The following FYB2 variants were observed in gnomAD, a reference collection of about 807,000 sequenced individuals.
The protein encoded by FYB2 is FYN-binding protein 2.
A neutral mutation model predicts 94.1 loss-of-function variants in FYB2; 103 were observed. The observed-to-expected ratio is 1.09, with a 90% CI of 0.93 to 1.29. The LOEUF is 1.29. FYB2 is among the 50% of genes most tolerant of loss of function. The pLI is 0.00. For synonymous variants in FYB2, 293 were observed against 287.9 expected (o/e 1.02, Z -0.18); for missense variants, 896 against 841.5 (o/e 1.06, Z -0.80).
chr1:56,746,080 A>AT (rs1376831790), intron 9 of FYB2, among the ~76,000 whole-genome samples: 1 of 138,504 alleles, frequency 7.2e-6, no homozygotes, highest in African/African-American at 3.1e-5. Context: ...AGCTTGCTTT[A>AT]TTTTTTCATA....
At chr1:56,750,575 G>T (rs1645172631) in intron 9 of FYB2, among the ~76,000 whole-genome samples, 2 of 151,854 alleles carry the variant, frequency 1.3e-5, no homozygotes, top group African/African-American at 4.8e-5. Flanking sequence ...CTAACACGCA[G>T]GTAAAATGCA....
At chr1:56,756,011 C>T in intron 6 of FYB2, 84 bp from the exon 7 acceptor site, 21 of 1,336,630 alleles carry the variant, frequency 1.6e-5, no homozygotes, top group Non-Finnish European at 2.2e-5. Flanking sequence ...TTAGAGACTA[C>T]ACCAAAAGGT....
chr1:56,791,978 C>G, intron 2 of FYB2, 78 bp downstream of exon 2: 1 of 1,505,410 alleles, frequency 6.6e-7, no homozygotes, highest in South Asian at 1.4e-5. Context: ...CATAACCACT[C>G]TGAATCAACA....
rs372756444 is a variant in FYB2 at position 56,747,446 on chromosome 1, CT to C, written c.1388-3181del. 1.3e-3 allele frequency among the ~76,000 whole-genome samples: 204 copies of C among 152,068 alleles called. 1 individual carries two copies. The highest frequency in any genetic ancestry group is 4.9e-3 in the African/African-American group (202 of 41,500). The stretch of plus-strand genomic sequence containing the variant: ...GACAGGCCCCAGTATGTGATGTTCC[CT>C]TCCCTGTGTACATGCGTTCCTCATT... On this transcript the variant is annotated intron_variant, in intron 9 of 19. Transcript: ENST00000343433.
chr1:56,733,308 G>C (rs1000747569), intron 15 of FYB2, among the ~76,000 whole-genome samples: 4 of 151,928 alleles, frequency 2.6e-5, no homozygotes, highest in African/African-American at 9.7e-5. Flanking sequence ...GCATCTATTT[G>C]ATTCTTCTCT....
chr1:56,823,592 A>G (rs746494420), upstream of FYB2: 2 of 152,190 alleles, frequency 1.3e-5, no homozygotes, highest in Non-Finnish European at 1.5e-5. Context: ...TTTTGTGCTC[A>G]TCTAAGTAAA....
At chr1:56,780,156 T>C (rs1266799085) in intron 4 of FYB2, among the ~76,000 whole-genome samples, 2 of 152,152 alleles carry the variant, frequency 1.3e-5, no homozygotes, top group Non-Finnish European at 2.9e-5. Context: ...TAAATAAACC[T>C]TTGTACAAAA....
At chr1:56,799,797 C>G (rs954345059) in intron 1 of FYB2, among the ~76,000 whole-genome samples, 1 of 152,192 alleles carries the variant, frequency 6.6e-6, no homozygotes, top group Non-Finnish European at 1.5e-5. Context: ...GTAACCCTCT[C>G]TATGTCACCG....
intron 9 of FYB2, among the ~76,000 whole-genome samples, chr1:56,748,581 T>C (rs1645123019): frequency 1.3e-5 from 2 of 151,766 alleles, no homozygotes; most frequent in African/African-American, 2.4e-5. Context: ...ACCTTCTCAC[T>C]CTTTTAACGG....
At chr1:56,753,092 G>A (rs866427275) in intron 8 of FYB2, among the ~76,000 whole-genome samples, 31 of 152,160 alleles carry the variant, frequency 2.0e-4, no homozygotes, top group Middle Eastern at 3.4e-3. Flanking sequence ...GGCTCATACA[G>A]CCAACATGCT....
chr1:56,792,938 C>T, intron 1 of FYB2, 135 bp from the exon 2 acceptor site: 1 of 892,672 alleles, frequency 1.1e-6, no homozygotes, highest in African/African-American at 1.7e-5. Context: ...TGTTAAGGGA[C>T]TCTAACTGCT....
intron 1 of FYB2, among the ~76,000 whole-genome samples, chr1:56,802,580 C>T (rs1258386196): frequency 6.6e-6 from 1 of 152,134 alleles, no homozygotes; most frequent in Admixed American, 6.5e-5. Context: ...ATTGTATTTT[C>T]AGATTGGAGC....
chr1:56,726,661 A>C, intron 15 of FYB2, 78 bp from the exon 16 acceptor site: 1 of 1,170,692 alleles, frequency 8.5e-7, no homozygotes, highest in Non-Finnish European at 1.2e-6. Flanking sequence ...TTCATGGGCA[A>C]TTATGTTTTA....
At chr1:56,724,067 T>C (rs1644539225) in intron 16 of FYB2, among the ~76,000 whole-genome samples, 1 of 151,956 alleles carries the variant, frequency 6.6e-6, no homozygotes, top group African/African-American at 2.4e-5. Flanking sequence ...ACTTTTTCTT[T>C]TTTTTAGGTT....
At chr1:56,798,170 G>A (rs1160350658) in intron 1 of FYB2, among the ~76,000 whole-genome samples, 1 of 152,200 alleles carries the variant, frequency 6.6e-6, no homozygotes, top group Admixed American at 6.5e-5. Context: ...TAACTCAGCA[G>A]AATCTTAATT....
Position 56,789,068 on chromosome 1 carries a change from A to G in FYB2, c.824T>C (p.Leu275Pro), listed in dbSNP as rs1646199343. 3.1e-6 allele frequency: 5 copies of G among 1,613,660 alleles called. No individual in the cohort carries two copies. Among genetic ancestry groups the G allele is most frequent in the Non-Finnish European group, 4.2e-6 (5 of 1,179,762 alleles). ...KTKPLPSIDS[L>P]GPPPPKPSRP... ...TGAAGGCTTTGGGGGAGGAGGACCC[A>G]GGGAGTCGATGGAGGGCAATGGCTT... Residue 275 changes from leucine to proline, a missense_variant, in exon 3 of 20, where the codon CTG becomes CCG. Transcript: ENST00000343433.
At chr1:56,767,969 C>T (rs1452811258) in intron 4 of FYB2, 31 bp from the exon 5 acceptor site, 1 of 1,464,154 alleles carries the variant, frequency 6.8e-7, no homozygotes, top group African/African-American at 1.4e-5. Flanking sequence ...TAAAATGTAA[C>T]ATTTTTAAAA....
rs150268875 is a variant in FYB2 at position 56,802,641 on chromosome 1, C to T, written c.10-9838G>A. On this transcript the variant is annotated intron_variant, in intron 1 of 19. Transcript: ENST00000343433. ...AGAAGAAAGAAAGCCATTATTCTTC[C>T]CAGGAGCCTTCAAAGGTTTAGGGAC... 4.3e-4 allele frequency among the ~76,000 whole-genome samples: 65 copies of T among 152,248 alleles called. No homozygotes were observed. In the East Asian group the frequency reaches 0.012, roughly 27 times the overall value.
At chr1:56,751,003 A>C in intron 9 of FYB2, 41 bp downstream of exon 9, 1 of 1,588,610 alleles carries the variant, frequency 6.3e-7, no homozygotes, top group South Asian at 1.1e-5. Context: ...CTATAAAACA[A>C]ATTGTAATGA....
Sources: allele counts gnomAD v4.1 joint callset (sites outside exome capture counted in the v4.1 genomes callset), GRCh38; gene constraint gnomAD v4.1.1; transcripts MANE v1.5; gene names NCBI Gene and HGNC (gene_info 2026-07-23, HGNC 2026-07-21).